Variants in KCNJ6 observed in about 807,000 individuals in gnomAD.
KCNJ6 encodes potassium inwardly rectifying channel subfamily J member 6.
In KCNJ6, 9 loss-of-function variants were observed where a neutral mutation model predicts 34.2. The observed-to-expected ratio is 0.26, with a 90% CI of 0.16 to 0.46. The LOEUF (loss-of-function observed/expected upper bound fraction) is 0.46, where lower values mean the gene tolerates loss of function less well. KCNJ6 is among the 20% of genes least tolerant of loss of function. The pLI, the probability that KCNJ6 is intolerant of heterozygous loss-of-function variation, is 1.00. For synonymous variants in KCNJ6, 196 were observed against 207.1 expected (o/e 0.95, Z 0.46); for missense variants, 236 against 531.3 (o/e 0.44, Z 5.46).
At chr21:37,847,025 C>A (rs576935722) in intron 1 of KCNJ6, among the ~76,000 whole-genome samples, 3 of 151,782 alleles carry the variant, frequency 2.0e-5, no homozygotes, top group East Asian at 3.9e-4. Flanking sequence ...GAGTTGCTGC[C>A]GAAAAATATA....
intron 3 of KCNJ6, among the ~76,000 whole-genome samples, chr21:37,638,148 G>T (rs1227116606): frequency 6.6e-6 from 1 of 152,028 alleles, no homozygotes; most frequent in Non-Finnish European, 1.5e-5. Context: ...TTTTGATCTT[G>T]ATTTATTTTT....
chr21:37,652,651 C>G (rs1023737112), intron 3 of KCNJ6, among the ~76,000 whole-genome samples: 32 of 152,234 alleles, frequency 2.1e-4, no homozygotes, highest in African/African-American at 7.5e-4. Flanking sequence ...AAGAGGTACC[C>G]TGGGACACAG....
At chr21:37,752,809 T>C (rs1451999952) in intron 2 of KCNJ6, among the ~76,000 whole-genome samples, 1 of 152,148 alleles carries the variant, frequency 6.6e-6, no homozygotes, top group Admixed American at 6.5e-5. Context: ...CTGGTGTGGA[T>C]GACACAGAAG....
chr21:37,863,994 T>C (rs2055609161), intron 1 of KCNJ6, among the ~76,000 whole-genome samples: 1 of 151,872 alleles, frequency 6.6e-6, no homozygotes, highest in African/African-American at 2.4e-5. Context: ...TTCAGGCCAA[T>C]GAGTCATCCG....
intron 3 of KCNJ6, among the ~76,000 whole-genome samples, chr21:37,661,614 G>GTATTTTTTTTTTTTTTT (rs2054488520): frequency 1.4e-5 from 1 of 71,172 alleles, no homozygotes; most frequent in African/African-American, 5.4e-5. Flanking sequence ...AAGAGACATA[G>GTATTTTTTTTTTTTTTT]TTTTTTTTTT....
chr21:37,646,298 A>T (rs1327438305), intron 3 of KCNJ6, among the ~76,000 whole-genome samples: 1 of 152,206 alleles, frequency 6.6e-6, no homozygotes, highest in Non-Finnish European at 1.5e-5. Context: ...CCACCACGCT[A>T]CATCCCTTGG....
intron 1 of KCNJ6, among the ~76,000 whole-genome samples, chr21:37,865,391 A>T (rs2123606800): frequency 6.6e-6 from 1 of 152,330 alleles, no homozygotes; most frequent in Admixed American, 6.5e-5. Flanking sequence ...GTCGTGTCCC[A>T]TCATGTCCAC....
rs1181001513 is a variant in KCNJ6 at position 37,619,111 on chromosome 21, A to G, written c.*6048T>C. On this transcript the variant is annotated 3_prime_UTR_variant, in exon 4 of 4. Coordinates refer to ENST00000609713, the MANE Select transcript of KCNJ6 (RefSeq NM_002240.5). ...CTGTCGACAATATAACAACATCACA[A>G]TGATTTGTTACATTGTTACTTTTTT... is the stretch of plus-strand genomic sequence containing the variant. The G allele has an allele frequency of 2.6e-5, 4 of 152,306 alleles. No individual in the cohort carries two copies. The East Asian group carries it at 7.7e-4, about 29-fold the overall frequency. The allele number at this position is 152,306 out of a possible 1,614,324, so 9.4% of individuals were successfully genotyped here.
chr21:37,704,221 C>T (rs1302707143), intron 3 of KCNJ6, among the ~76,000 whole-genome samples: 1 of 133,844 alleles, frequency 7.5e-6, no homozygotes, highest in Non-Finnish European at 1.7e-5. Context: ...TGTCGGACCT[C>T]ACGAATCCTT....
intron 1 of KCNJ6, among the ~76,000 whole-genome samples, chr21:37,914,008 G>GGGGGTGTGT (rs760597650): frequency 7.4e-6 from 1 of 135,480 alleles, no homozygotes; most frequent in East Asian, 2.4e-4. Flanking sequence ...GGCGGATCGG[G>GGGGGTGTGT]GTGTGTGTGT....
chr21:37,851,002 G>A (rs1181539588), intron 1 of KCNJ6, among the ~76,000 whole-genome samples: 1 of 152,176 alleles, frequency 6.6e-6, no homozygotes, highest in Non-Finnish European at 1.5e-5. Context: ...CAGCCTGTGT[G>A]CATCTGTGAA....
intron 1 of KCNJ6, among the ~76,000 whole-genome samples, chr21:37,841,122 A>C (rs1410307859): frequency 1.3e-5 from 2 of 152,178 alleles, no homozygotes; most frequent in East Asian, 1.9e-4. Context: ...CTTTCCAAAA[A>C]ACTAAATAGA....
At chr21:37,886,932 GT>G (rs548644272) in intron 1 of KCNJ6, among the ~76,000 whole-genome samples, 238 of 127,016 alleles carry the variant, frequency 1.9e-3, no homozygotes, top group South Asian at 4.4e-3. Context: ...ATCCAACCTT[GT>G]TTTTTTTTTT....
chr21:37,767,536 C>T (rs1462128482), intron 2 of KCNJ6, among the ~76,000 whole-genome samples: 1 of 152,186 alleles, frequency 6.6e-6, no homozygotes, highest in East Asian at 1.9e-4. Context: ...ACTCTCACCA[C>T]TCCCCAGCCC....
At chr21:37,772,183 T>C (rs1444897039) in intron 2 of KCNJ6, among the ~76,000 whole-genome samples, 1 of 151,976 alleles carries the variant, frequency 6.6e-6, no homozygotes, top group Non-Finnish European at 1.5e-5. Flanking sequence ...AATTAAAGAG[T>C]GCCCCAAAAT....
At chr21:37,780,591 G>A (rs978170718) in intron 2 of KCNJ6, among the ~76,000 whole-genome samples, 3 of 152,122 alleles carry the variant, frequency 2.0e-5, no homozygotes, top group African/African-American at 7.2e-5. Flanking sequence ...GGGTGGGGGA[G>A]TGCAGGTAAT....
chr21:37,631,958 T>G (rs2054335634), intron 3 of KCNJ6, among the ~76,000 whole-genome samples: 1 of 152,276 alleles, frequency 6.6e-6, no homozygotes, highest in Admixed American at 6.5e-5. Context: ...CCAGAGTTTG[T>G]GGCTGCATTT....
chr21:37,687,147 A>G (rs2054619201), intron 3 of KCNJ6, among the ~76,000 whole-genome samples: 1 of 151,938 alleles, frequency 6.6e-6, no homozygotes, highest in Non-Finnish European at 1.5e-5. Flanking sequence ...TTGGGTTAAA[A>G]CTGCATGACA....
At chr21:37,742,437 T>G (rs1426039568) in intron 2 of KCNJ6, among the ~76,000 whole-genome samples, 1 of 152,238 alleles carries the variant, frequency 6.6e-6, no homozygotes, top group Non-Finnish European at 1.5e-5. Flanking sequence ...AACTGTTTTT[T>G]TTGTTGTTGT....
Sources: gnomAD v4.1 joint callset for allele counts (sites outside exome capture counted in the v4.1 genomes callset) on GRCh38, gnomAD v4.1.1 for gene constraint, MANE v1.5 for transcripts, NCBI Gene and HGNC (gene_info 2026-07-23, HGNC 2026-07-21) for gene names.